The following PITPNA variants were observed in gnomAD, a reference collection of about 807,000 sequenced individuals.
The protein encoded by PITPNA is phosphatidylinositol transfer protein alpha, also known as phosphatidylinositol transfer protein alpha isoform.
Under a neutral mutation model 50.3 loss-of-function variants are expected in PITPNA, and 13 were observed. The ratio of observed to expected loss-of-function variants is 0.26; its 90% CI spans 0.17 to 0.41. The LOEUF is 0.41. Among genes scored for constraint, PITPNA ranks in the 10% least tolerant of loss-of-function variants. The pLI, the probability that PITPNA is intolerant of heterozygous loss-of-function variation, is 1.00. For missense variants in PITPNA, 207 were observed against 333.4 expected, an observed-to-expected ratio of 0.62 and a Z score of 2.95; for synonymous variants, 120 against 119.6, an observed-to-expected ratio of 1.00 and a Z score of -0.02.
intron 2 of PITPNA, among the ~76,000 whole-genome samples, chr17:1,557,479 C>T (rs2075741125): frequency 6.6e-6 from 1 of 152,156 alleles, no homozygotes; most frequent in Non-Finnish European, 1.5e-5. Context: ...CTCACCCAAA[C>T]TCGAGTTTAA....
intron 11 of PITPNA, 88 bp downstream of exon 11, chr17:1,521,491 T>C: frequency 1.1e-6 from 1 of 870,792 alleles, no homozygotes; most frequent in South Asian, 1.3e-5. Context: ...GGAATAGGTT[T>C]TCTGACTCCA....
intron 5 of PITPNA, 29 bp downstream of exon 5, chr17:1,542,985 TCATCTA>T: frequency 6.5e-7 from 1 of 1,537,664 alleles, no homozygotes; most frequent in Non-Finnish European, 8.9e-7. Context: ...TTCTTATACA[TCATCTA>T]CAGTTCCAAC....
chr17:1,537,278 T>C (rs1461153345), intron 7 of PITPNA, among the ~76,000 whole-genome samples: 1 of 152,180 alleles, frequency 6.6e-6, no homozygotes, highest in Non-Finnish European at 1.5e-5. Flanking sequence ...TTGGCCAGGA[T>C]GGTCTCGATC....
rs1404904415 is a variant in PITPNA, at chr17:1,519,486, C to G, written c.*1075G>C. The G allele has an allele frequency of 6.6e-6, 1 of 152,652 alleles. No homozygotes were observed. Among genetic ancestry groups the G allele is most frequent in the Non-Finnish European group, 1.5e-5 (1 of 68,070 alleles). The allele number at this position is 152,652 out of a possible 1,614,324, so 9.5% of individuals were successfully genotyped here. On this transcript the variant is annotated 3_prime_UTR_variant, in exon 12 of 12. Transcript: ENST00000313486. ...GAACTCAACATGGGGGTAGGACGAG[C>G]TAAGTTCTTGATCCCCAAATTCCTT... is the stretch of plus-strand genomic sequence containing the variant.
At chr17:1,542,457 T>C (rs1299057003) in intron 5 of PITPNA, among the ~76,000 whole-genome samples, 2 of 152,292 alleles carry the variant, frequency 1.3e-5, no homozygotes, top group East Asian at 3.9e-4. Flanking sequence ...TTCCTGCTTC[T>C]TAAAAATTGG....
At chr17:1,541,508 G>A (rs1006865049) in intron 6 of PITPNA, 58 bp downstream of exon 6, 23 of 1,232,656 alleles carry the variant, frequency 1.9e-5, no homozygotes, top group South Asian at 2.4e-5. Context: ...GCCCTGGAGA[G>A]GCTACAAGGC....
intron 1 of PITPNA, among the ~76,000 whole-genome samples, chr17:1,561,518 A>G (rs79684903): frequency 0.17 from 26,474 of 151,842 alleles, 2,922 homozygotes; most frequent in Non-Finnish European, 0.25. Context: ...AACGGCAGGT[A>G]TACTCATCCC....
At chr17:1,521,911 G>A (rs1478822157) in intron 10 of PITPNA, among the ~76,000 whole-genome samples, 1 of 146,102 alleles carries the variant, frequency 6.8e-6, no homozygotes, top group East Asian at 2.0e-4. Flanking sequence ...AGGTGTGTGT[G>A]GGGGGGTCTT....
At chr17:1,521,446 T>C in intron 11 of PITPNA, 133 bp downstream of exon 11, 1 of 682,310 alleles carries the variant, frequency 1.5e-6, no homozygotes, top group South Asian at 1.6e-5. Flanking sequence ...TGGAGAGCTA[T>C]CGAGCGTGGC....
chr17:1,533,962 A>G (rs1227433477), intron 10 of PITPNA, 137 bp downstream of exon 10: 1 of 960,890 alleles, frequency 1.0e-6, no homozygotes, highest in Non-Finnish European at 1.6e-6. Context: ...CGTACTGCCC[A>G]GGATACCGTC....
Position 1,535,284 on chromosome 17 carries a change from A to G in PITPNA, c.543T>C (p.Leu181=), listed in dbSNP as rs376136129. ...GPLGPNWKQE[L]VNQKDCPYMC... ...TATATGGGCAGTCCTTCTGGTTTAC[A>G]AGCTCTTGCTGCATTAGAAACATAC... The change falls in exon 9 of 12, where the codon CTT becomes CTC. Residue 181 remains leucine, a synonymous_variant. Coordinates refer to ENST00000313486, the MANE Select transcript of PITPNA (RefSeq NM_006224.4). The G allele has an allele frequency of 7.3e-5, 117 of 1,611,900 alleles. No individual in the cohort carries two copies. The highest frequency in any genetic ancestry group is 9.6e-5 in the Non-Finnish European group (113 of 1,178,042).
At chr17:1,550,126 C>A (rs1460993870) in intron 3 of PITPNA, among the ~76,000 whole-genome samples, 2 of 152,234 alleles carry the variant, frequency 1.3e-5, no homozygotes, top group Non-Finnish European at 2.9e-5. Context: ...CACGAACTCA[C>A]TGCCATCCCC....
chr17:1,541,046 A>G (rs2075645690), intron 6 of PITPNA, among the ~76,000 whole-genome samples: 1 of 152,126 alleles, frequency 6.6e-6, no homozygotes, highest in Non-Finnish European at 1.5e-5. Flanking sequence ...CCACAGGCAC[A>G]TACCACCATG....
Position 1,562,454 on chromosome 17 carries a change from G to A in PITPNA, c.20+87C>T. On this transcript the variant is annotated intron_variant, in intron 1 of 11. Transcript: ENST00000313486. This position sits in a 1 kb window ranked among gnomAD's most constrained non-coding sequence, Gnocchi z 6.4. ...TCCCTGCTGCCCCTCCGTCCATCCG[G>A]GCCCTGCGTCCCTCGCCGCGCCGTC... 1 of 1,131,318 alleles carries A rather than the reference G, an allele frequency of 8.8e-7. No individual in the cohort carries two copies. 70.1% of individuals were successfully genotyped at this position (1,131,318 alleles called of 1,614,324 possible).
At chr17:1,560,528 G>T (rs545439695) in intron 1 of PITPNA, among the ~76,000 whole-genome samples, 2 of 152,188 alleles carry the variant, frequency 1.3e-5, no homozygotes, top group African/African-American at 4.8e-5. Flanking sequence ...GGCTTCAAGG[G>T]GAGGAGAACA....
chr17:1,558,579 G>A lies in PITPNA; in HGVS notation c.21-20C>T, dbSNP rs372192623. ...ACTCGACTATAAGAAAGGGAAAAGAGAGTATCAACTTTAGGCTGTGCAATC... is the reference window on the plus strand; with the variant it reads ...ACTCGACTATAAGAAAGGGAAAAGAAAGTATCAACTTTAGGCTGTGCAATC... On this transcript the variant is annotated intron_variant, in intron 1 of 11. Coordinates refer to ENST00000313486, the MANE Select transcript of PITPNA (RefSeq NM_006224.4). 5.7e-6 allele frequency: 9 copies of A among 1,587,420 alleles called. No homozygotes were observed. The African/African-American group carries it at 6.7e-5, about 12-fold the overall frequency.
intron 6 of PITPNA, among the ~76,000 whole-genome samples, chr17:1,540,489 T>G (rs1285142073): frequency 6.6e-6 from 1 of 152,198 alleles, no homozygotes. Context: ...AACAGTCAAC[T>G]TGAAGACTGC....
intron 1 of PITPNA, among the ~76,000 whole-genome samples, chr17:1,560,551 G>A (rs949660967): frequency 6.6e-6 from 1 of 152,218 alleles, no homozygotes; most frequent in Non-Finnish European, 1.5e-5. Context: ...GACAGGGAAG[G>A]AGTGCCTCTC....
intron 6 of PITPNA, among the ~76,000 whole-genome samples, chr17:1,541,171 T>C (rs886379031): frequency 6.6e-6 from 1 of 152,354 alleles, no homozygotes; most frequent in East Asian, 1.9e-4. Context: ...ATGAGTCTCC[T>C]TGTATATATG....
Sources: gnomAD v4.1 joint callset for allele counts (sites outside exome capture counted in the v4.1 genomes callset) on GRCh38, gnomAD v4.1.1 for gene constraint, Gnocchi (gnomAD v3.1) non-coding constraint, MANE v1.5 for transcripts, NCBI Gene and HGNC (gene_info 2026-07-23, HGNC 2026-07-21) for gene names.